The following SLC24A2 variants were observed in gnomAD, a reference collection of about 807,000 sequenced individuals.
SLC24A2 encodes the protein solute carrier family 24 member 2.
A neutral mutation model predicts 62.0 loss-of-function variants in SLC24A2; 36 were observed. The ratio of observed to expected loss-of-function variants is 0.58; its 90% CI spans 0.44 to 0.77. SLC24A2 has a LOEUF of 0.77. Among genes scored for constraint, SLC24A2 ranks in the 30% least tolerant of loss-of-function variants. SLC24A2 has a pLI of 0.00. For missense variants in SLC24A2, 846 were observed against 817.9 expected (o/e 1.03, Z -0.42); for synonymous variants, 358 against 294.0 (o/e 1.22, Z -2.23).
chr9:20,228,298 C>G, the SLC24A2 span, among the ~76,000 whole-genome samples: 1 of 152,034 alleles, frequency 6.6e-6, no homozygotes, highest in Non-Finnish European at 1.5e-5. Flanking sequence ...ACTTCCTTTT[C>G]TTCTGCTTTT....
At chr9:19,530,083 T>C (rs1833629702) in intron 8 of SLC24A2, among the ~76,000 whole-genome samples, 1 of 151,066 alleles carries the variant, frequency 6.6e-6, no homozygotes. Flanking sequence ...AGCAGCTTTT[T>C]TTTTTTTTTT....
chr9:20,147,031 C>T, the SLC24A2 span, among the ~76,000 whole-genome samples: 1 of 152,086 alleles, frequency 6.6e-6, no homozygotes, highest in Non-Finnish European at 1.5e-5. Context: ...GTACAACCCC[C>T]TATGAGCTGG....
the SLC24A2 span, among the ~76,000 whole-genome samples, chr9:20,286,611 T>G: frequency 4.6e-5 from 7 of 152,308 alleles, no homozygotes; most frequent in East Asian, 1.3e-3. Context: ...TTTAGCAGAA[T>G]AGAACTGAGG....
intron 2 of SLC24A2, among the ~76,000 whole-genome samples, chr9:19,684,518 G>A (rs528663713): frequency 6.6e-6 from 1 of 152,152 alleles, no homozygotes; most frequent in South Asian, 2.1e-4. Flanking sequence ...CTACAAGTGA[G>A]CATAACAGCA....
At chr9:19,770,965 G>T (rs1474324080) in intron 2 of SLC24A2, among the ~76,000 whole-genome samples, 1 of 152,152 alleles carries the variant, frequency 6.6e-6, no homozygotes, top group East Asian at 1.9e-4. Flanking sequence ...AACTCCAGAA[G>T]ATTCATCCTG....
the SLC24A2 span, among the ~76,000 whole-genome samples, chr9:19,892,198 A>G: frequency 3.3e-5 from 5 of 152,176 alleles, no homozygotes; most frequent in East Asian, 3.9e-4. Flanking sequence ...CCTCTTTCTC[A>G]TAGTTCACAT....
At chr9:19,522,758 G>C (rs1391006159) in intron 9 of SLC24A2, among the ~76,000 whole-genome samples, 1 of 152,154 alleles carries the variant, frequency 6.6e-6, no homozygotes, top group Non-Finnish European at 1.5e-5. Flanking sequence ...GATTTGCTGA[G>C]TAAGCAAATC....
At chr9:19,755,337 A>T (rs566402640) in intron 2 of SLC24A2, among the ~76,000 whole-genome samples, 37 of 152,328 alleles carry the variant, frequency 2.4e-4, no homozygotes, top group African/African-American at 8.9e-4. Flanking sequence ...TATCCCATTG[A>T]TCAATTCTCT....
Position 19,774,446 on chromosome 9 carries a change from G to A in SLC24A2, c.930+11491C>T, listed in dbSNP as rs1283559936. 4.6e-5 allele frequency among the ~76,000 whole-genome samples: 7 copies of A among 152,068 alleles called. No individual in the cohort carries two copies. The South Asian group carries it at 6.2e-4, about 14-fold the overall frequency. On this transcript the variant is annotated intron_variant, in intron 2 of 10. Transcript: ENST00000341998. ...ACCTTTAGCCATCATCGGCCGTCTC[G>A]GAAAACTAACAGGTTCCTGGAATAC...
chr9:19,795,865 C>A, the SLC24A2 span, among the ~76,000 whole-genome samples: 1 of 151,926 alleles, frequency 6.6e-6, no homozygotes, highest in African/African-American at 2.4e-5. Flanking sequence ...GACTTGGAAC[C>A]AACCCAAATG....
the SLC24A2 span, among the ~76,000 whole-genome samples, chr9:19,978,268 C>A: frequency 6.6e-6 from 1 of 152,118 alleles, no homozygotes; most frequent in Non-Finnish European, 1.5e-5. Context: ...TCATTCAATA[C>A]CATCTTTAGC....
the SLC24A2 span, among the ~76,000 whole-genome samples, chr9:20,045,664 C>G: frequency 6.6e-6 from 1 of 152,052 alleles, no homozygotes; most frequent in Admixed American, 6.6e-5. Flanking sequence ...AATTCCTGAC[C>G]TCGTGATCTG....
At chr9:19,942,196 G>A in the SLC24A2 span, among the ~76,000 whole-genome samples, 3 of 152,138 alleles carry the variant, frequency 2.0e-5, no homozygotes, top group Non-Finnish European at 4.4e-5. Context: ...TTCAACAGCA[G>A]AGCTGGGGAA....
chr9:19,546,218 C>T (rs1189119056), intron 8 of SLC24A2, among the ~76,000 whole-genome samples: 1 of 152,196 alleles, frequency 6.6e-6, no homozygotes, highest in Admixed American at 6.5e-5. Flanking sequence ...TGATCCTTAG[C>T]AGAGCTTGAA....
the SLC24A2 span, among the ~76,000 whole-genome samples, chr9:20,130,776 A>G: frequency 6.6e-6 from 1 of 152,152 alleles, no homozygotes; most frequent in South Asian, 2.1e-4. Flanking sequence ...ACCAGTTAGA[A>G]GACTGTTGTG....
At chr9:19,549,874 T>G (rs375243885) in intron 8 of SLC24A2, among the ~76,000 whole-genome samples, 1 of 152,218 alleles carries the variant, frequency 6.6e-6, no homozygotes. Context: ...TAGTTTGTTA[T>G]GCAGATTTGA....
chr9:20,016,780 C>T, the SLC24A2 span, among the ~76,000 whole-genome samples: 33,712 of 151,988 alleles, frequency 0.22, 4,921 homozygotes, highest in East Asian at 0.58. Flanking sequence ...GGGGAGGATA[C>T]ACTCCCAGCT....
At chr9:20,229,855 G>A in the SLC24A2 span, among the ~76,000 whole-genome samples, 1 of 151,520 alleles carries the variant, frequency 6.6e-6, no homozygotes, top group Non-Finnish European at 1.5e-5. Flanking sequence ...TTAGCATTAG[G>A]TATATGTCCT....
intron 9 of SLC24A2, among the ~76,000 whole-genome samples, chr9:19,521,792 A>G (rs1002752177): frequency 1.3e-5 from 2 of 152,122 alleles, no homozygotes; most frequent in Non-Finnish European, 2.9e-5. Flanking sequence ...CTAAATGATA[A>G]TCTGTGACAG....
Sources: gnomAD v4.1 joint callset for allele counts (sites outside exome capture counted in the v4.1 genomes callset) on GRCh38, gnomAD v4.1.1 for gene constraint, MANE v1.5 for transcripts, NCBI Gene and HGNC (gene_info 2026-07-23, HGNC 2026-07-21) for gene names.